GPM6B: variants seen among roughly 807,000 people sequenced by gnomAD.
The protein encoded by GPM6B is neuronal membrane glycoprotein M6-b.
Under a neutral mutation model 27.2 loss-of-function variants are expected in GPM6B, and 4 were observed. The ratio of observed to expected loss-of-function variants is 0.15; its 90% CI spans 0.07 to 0.34. The LOEUF is 0.34. Among genes scored for constraint, GPM6B ranks in the 10% least tolerant of loss-of-function variants. The pLI is 1.00. For synonymous variants in GPM6B, 124 were observed against 103.1 expected (o/e 1.20, Z -1.23); for missense variants, 183 against 261.9 (o/e 0.70, Z 2.08).
chrX:13,894,622 A>C (rs1328254578), intron 1 of GPM6B, among the ~76,000 whole-genome samples: 4 of 112,538 alleles, frequency 3.6e-5, no homozygotes, highest in Non-Finnish European at 7.5e-5. Flanking sequence ...ATTAAATCAT[A>C]GCCTCACACA....
At chrX:13,844,074 G>C (rs754390690) in intron 1 of GPM6B, among the ~76,000 whole-genome samples, 17 of 112,003 alleles carry the variant, frequency 1.5e-4, no homozygotes, top group Admixed American at 5.7e-4. Context: ...GTTAATTTTT[G>C]TGTATATGAG....
intron 1 of GPM6B, among the ~76,000 whole-genome samples, chrX:13,846,462 A>G (rs917779828): frequency 1.8e-5 from 2 of 111,147 alleles, no homozygotes; most frequent in Non-Finnish European, 3.8e-5. Context: ...GCAAATACGC[A>G]TCTCTCCCTC....
intron 1 of GPM6B, among the ~76,000 whole-genome samples, chrX:13,842,999 G>C (rs910245191): frequency 1.8e-5 from 2 of 110,343 alleles, no homozygotes; most frequent in African/African-American, 6.6e-5. Context: ...CTTTCCACTT[G>C]TTCAAAATAT....
intron 1 of GPM6B, among the ~76,000 whole-genome samples, chrX:13,883,826 C>G (rs890806785): frequency 9.2e-6 from 1 of 108,617 alleles, no homozygotes; most frequent in Admixed American, 9.9e-5. Context: ...CCAGCCTGGG[C>G]GATAGCGTGA....
At chrX:13,891,178 C>G (rs1001638418) in intron 1 of GPM6B, among the ~76,000 whole-genome samples, 5 of 111,671 alleles carry the variant, frequency 4.5e-5, no homozygotes, top group African/African-American at 1.6e-4. Flanking sequence ...CAACCTAATA[C>G]TTGCTATTCA....
At chrX:13,827,587 G>A (rs1265215510) in intron 1 of GPM6B, among the ~76,000 whole-genome samples, 1 of 111,896 alleles carries the variant, frequency 8.9e-6, no homozygotes, top group Non-Finnish European at 1.9e-5. Flanking sequence ...AAAGGCTTGT[G>A]CCAACTTGGA....
At chrX:13,778,182 G>A (rs183780043) in intron 5 of GPM6B, among the ~76,000 whole-genome samples, 1,413 of 109,181 alleles carry the variant, frequency 0.013, 27 homozygotes, top group African/African-American at 0.044. Flanking sequence ...CCAACTAGCT[G>A]GGATTACAGG....
At chrX:13,847,986 TG>T (rs2147237603) in intron 1 of GPM6B, among the ~76,000 whole-genome samples, 1 of 111,962 alleles carries the variant, frequency 8.9e-6, no homozygotes, top group South Asian at 3.8e-4. Context: ...TAGTGGATGC[TG>T]TAATATATCA....
At chrX:13,849,824 C>T (rs768606569) in intron 1 of GPM6B, among the ~76,000 whole-genome samples, 51 of 109,810 alleles carry the variant, frequency 4.6e-4, no homozygotes, top group Non-Finnish European at 8.9e-4. Context: ...TTTTGGGAGG[C>T]TGAGGGGGCG....
Position 13,776,118 on chromosome X carries a change from C to T in GPM6B, c.837+120G>A, listed in dbSNP as rs572891935. ...GTAAGTTAACACAGGCGCCAGTTAA[C>T]CAAGGTTGAGTGCCAGAATCATTGG... On this transcript the variant is annotated intron_variant, in intron 7 of 7. Coordinates refer to ENST00000316715, the MANE Select transcript of GPM6B (RefSeq NM_001001995.3). 9 of 570,997 alleles carry T rather than the reference C, an allele frequency of 1.6e-5. No homozygotes were observed. In the East Asian group the frequency reaches 2.6e-4, roughly 17 times the overall value. The allele number at this position is 570,997 out of a possible 1,213,427, so 47.1% of individuals were successfully genotyped here.
intron 1 of GPM6B, among the ~76,000 whole-genome samples, chrX:13,931,356 T>G (rs6633435): frequency 1.8e-5 from 2 of 108,129 alleles, no homozygotes; most frequent in Non-Finnish European, 3.8e-5. Context: ...GGCATGGTGG[T>G]GGGCGCCTGT....
chrX:13,791,820 C>G (rs180989025), intron 2 of GPM6B, among the ~76,000 whole-genome samples: 167 of 110,713 alleles, frequency 1.5e-3, no homozygotes, highest in African/African-American at 5.2e-3. Context: ...TTAATGCTGG[C>G]TCAGACGTAG....
chrX:13,845,482 GATTTT>G (rs974716463), intron 1 of GPM6B, among the ~76,000 whole-genome samples: 4 of 111,917 alleles, frequency 3.6e-5, no homozygotes, highest in Non-Finnish European at 7.5e-5. Flanking sequence ...AGAGATGATA[GATTTT>G]ATTTTTCTAT....
At position 13,799,738 on chromosome X, in the gene GPM6B, G is replaced by C. The variant is rs751422106; in HGVS notation, c.181+7912C>G. 3.5e-4 allele frequency among the ~76,000 whole-genome samples: 39 copies of C among 111,558 alleles called. No homozygotes were observed. In the South Asian group the frequency reaches 0.011, roughly 31 times the overall value. ...AAGACCTCTGCTCACAGAGAGCTTAGAGTCTAGTACCTCAGGAAGGCCGTC... is the reference window on the plus strand; with the variant it reads ...AAGACCTCTGCTCACAGAGAGCTTACAGTCTAGTACCTCAGGAAGGCCGTC... On this transcript the variant is annotated intron_variant, in intron 2 of 7. Transcript: ENST00000316715.
chrX:13,918,896 C>T (rs2050452529), intron 1 of GPM6B, among the ~76,000 whole-genome samples: 1 of 112,042 alleles, frequency 8.9e-6, no homozygotes, highest in African/African-American at 3.2e-5. Flanking sequence ...CACAATCCTT[C>T]CACCAGGCAG....
intron 1 of GPM6B, among the ~76,000 whole-genome samples, chrX:13,840,343 A>G (rs1261670147): frequency 9.0e-6 from 1 of 110,738 alleles, no homozygotes; most frequent in African/African-American, 3.3e-5. Flanking sequence ...CTGTACTGGG[A>G]AGCCACAGCT....
rs759410542 is a variant in GPM6B at position 13,931,477 on chromosome X, G to C, written c.-198+6850C>G. On this transcript the variant is annotated intron_variant, in intron 1 of 6. Coordinates refer to the GPM6B transcript ENST00000398361. ...CACTCCAGCCTGGGCTACAGAGTGA[G>C]ACTCCTTCTCAAAAAAAAAAGAAAA... 5.6e-5 allele frequency among the ~76,000 whole-genome samples: 6 copies of C among 107,139 alleles called. No individual in the cohort carries two copies. The Admixed American group carries it at 6.0e-4, about 11-fold the overall frequency. 93.0% of individuals were successfully genotyped at this position (107,139 alleles called of 115,157 possible).
chrX:13,872,252 G>T (rs1415357811), intron 1 of GPM6B, among the ~76,000 whole-genome samples: 1 of 97,724 alleles, frequency 1.0e-5, no homozygotes, highest in Non-Finnish European at 2.0e-5. Flanking sequence ...GCTCACTGCA[G>T]CTTCAACCTA....
At chrX:13,781,797 C>T (rs1158095633) in intron 4 of GPM6B, among the ~76,000 whole-genome samples, 2 of 111,851 alleles carry the variant, frequency 1.8e-5, no homozygotes, top group East Asian at 2.8e-4. Context: ...GTGCCCTGAC[C>T]ACCTTGGGCC....
Sources: gnomAD v4.1 joint callset for allele counts (sites outside exome capture counted in the v4.1 genomes callset) on GRCh38, gnomAD v4.1.1 for gene constraint, MANE v1.5 for transcripts, NCBI Gene and HGNC (gene_info 2026-07-23, HGNC 2026-07-21) for gene names.